Variants in NCS1 observed in about 807,000 individuals in gnomAD.
NCS1 encodes the protein frequenin homolog.
A neutral mutation model predicts 28.4 loss-of-function variants in NCS1; 6 were observed. The ratio of observed to expected loss-of-function variants is 0.21; its 90% CI spans 0.12 to 0.42. NCS1 has a LOEUF of 0.42. Ranked by LOEUF, NCS1 falls within the 10% of genes least tolerant of loss-of-function variation. NCS1 has a pLI of 1.00. For missense variants in NCS1, 131 were observed against 241.4 expected (o/e 0.54, Z 3.03); for synonymous variants, 86 against 99.3 (o/e 0.87, Z 0.79).
chr9:130,206,832 G>A (rs1419473941), intron 2 of NCS1, among the ~76,000 whole-genome samples: 1 of 151,204 alleles, frequency 6.6e-6, no homozygotes, highest in African/African-American at 2.5e-5. Context: ...GGCAGTGTAG[G>A]GTCCAGCCAT....
intron 7 of NCS1, among the ~76,000 whole-genome samples, chr9:130,231,364 C>CCT (rs1833499314): frequency 1.3e-5 from 2 of 151,390 alleles, no homozygotes; most frequent in African/African-American, 4.9e-5. Context: ...AAAAAAAAAA[C>CCT]TTTAATTTTG....
intron 1 of NCS1, among the ~76,000 whole-genome samples, chr9:130,183,149 G>C (rs1051721466): frequency 6.6e-6 from 1 of 152,240 alleles, no homozygotes; most frequent in African/African-American, 2.4e-5. Context: ...GTCGGGGAAG[G>C]GGGACAGCCA....
chr9:130,224,597 A>C (rs1833386880), intron 6 of NCS1, among the ~76,000 whole-genome samples: 2 of 151,666 alleles, frequency 1.3e-5, no homozygotes, highest in Admixed American at 1.3e-4. Flanking sequence ...TAGACACTGG[A>C]GCCTACTTGA....
chr9:130,202,243 C>A (rs929087085), intron 2 of NCS1, among the ~76,000 whole-genome samples: 78 of 152,206 alleles, frequency 5.1e-4, no homozygotes, highest in African/African-American at 1.8e-3. Flanking sequence ...CTCTGGCCAG[C>A]CTGAACTGCT....
intron 1 of NCS1, chr9:130,200,311 T>C: frequency 2.0e-6 from 1 of 502,186 alleles, no homozygotes; most frequent in Non-Finnish European, 3.5e-6. Flanking sequence ...TTTTGTTTGT[T>C]TCATGGCTCA....
intron 1 of NCS1, among the ~76,000 whole-genome samples, chr9:130,199,957 G>C (rs1000942749): frequency 6.6e-6 from 1 of 151,518 alleles, no homozygotes; most frequent in Non-Finnish European, 1.5e-5. Context: ...ACATTTGAGG[G>C]CCCTACGCCG....
chr9:130,174,789 CCA>C (rs1832538694), intron 1 of NCS1, among the ~76,000 whole-genome samples: 1 of 48,422 alleles, frequency 2.1e-5, no homozygotes. Context: ...AACTCTGTCT[CCA>C]AAAAAAAAAA....
At chr9:130,221,409 T>C (rs1166449851) in intron 4 of NCS1, among the ~76,000 whole-genome samples, 1 of 46,102 alleles carries the variant, frequency 2.2e-5, no homozygotes, top group Non-Finnish European at 3.9e-5. Context: ...TATATATATA[T>C]ATATAGAGAG....
chr9:130,197,751 T>C (rs1449630914), intron 1 of NCS1, among the ~76,000 whole-genome samples: 3 of 152,048 alleles, frequency 2.0e-5, no homozygotes, highest in African/African-American at 7.2e-5. Context: ...TCACTTGAGA[T>C]GAGGAGCTTG....
In NCS1 at chr9:130,179,995, TTATCTATCTATCTATCTATCTATC is replaced by T. The variant is rs56120429; in HGVS notation, c.64+7301_64+7324del. 7.6e-3 allele frequency among the ~76,000 whole-genome samples: 1,098 copies of T among 145,264 alleles called. 8 individuals are homozygous for T. Among genetic ancestry groups the T allele is most frequent in the Middle Eastern group, 0.017 (5 of 288 alleles). ...CAGATAGGGATGTCTTGCCTTCTTTTTATCTATCTATCTATCTATCTATCTATCTATCTATCTATCTATCTATCT... is the reference window on the plus strand; with the variant it reads ...CAGATAGGGATGTCTTGCCTTCTTTTTATCTATCTATCTATCTATCTATCT... On this transcript the variant is annotated intron_variant, in intron 1 of 7. Coordinates refer to ENST00000372398, the MANE Select transcript of NCS1 (RefSeq NM_014286.4).
At chr9:130,221,407 T>TAGAG (rs1224970441) in intron 4 of NCS1, among the ~76,000 whole-genome samples, 47 of 42,694 alleles carry the variant, frequency 1.1e-3, no homozygotes, top group African/African-American at 4.7e-3. Context: ...TATATATATA[T>TAGAG]ATATATAGAG....
intron 1 of NCS1, among the ~76,000 whole-genome samples, chr9:130,184,709 C>T (rs1009349586): frequency 2.0e-5 from 3 of 151,984 alleles, no homozygotes; most frequent in Non-Finnish European, 4.4e-5. Context: ...CTCACTGCAA[C>T]GTCTGCCTCC....
intron 1 of NCS1, among the ~76,000 whole-genome samples, chr9:130,188,809 T>C (rs1421485728): frequency 6.6e-6 from 1 of 152,156 alleles, no homozygotes; most frequent in Non-Finnish European, 1.5e-5. Flanking sequence ...TTCTGCCTCC[T>C]GGGTTCAAGC....
chr9:130,211,562 C>T (rs993922635), intron 2 of NCS1, among the ~76,000 whole-genome samples: 1 of 151,666 alleles, frequency 6.6e-6, no homozygotes, highest in Non-Finnish European at 1.5e-5. Flanking sequence ...ATCAGGTCCG[C>T]GGAGGACTTT....
chr9:130,183,152 G>T (rs528998994), intron 1 of NCS1, among the ~76,000 whole-genome samples: 1 of 152,352 alleles, frequency 6.6e-6, no homozygotes, highest in South Asian at 2.1e-4. Flanking sequence ...GGGGAAGGGG[G>T]ACAGCCAGGG....
At position 130,179,767 on chromosome 9, in the gene NCS1, A is replaced by G. The variant is rs182375663; in HGVS notation, c.64+7040A>G. Among the ~76,000 whole-genome samples, 23 of 152,328 alleles carry G rather than the reference A, an allele frequency of 1.5e-4. No homozygotes were observed. In the East Asian group the frequency reaches 3.9e-3, roughly 26 times the overall value. On this transcript the variant is annotated intron_variant, in intron 1 of 7. Coordinates refer to ENST00000372398, the MANE Select transcript of NCS1 (RefSeq NM_014286.4). ...GTCAACATTTATTTCTTTGAATACTATGAAATAGAATCCTAGTATCTTTCA... is the reference window on the plus strand; with the variant it reads ...GTCAACATTTATTTCTTTGAATACTGTGAAATAGAATCCTAGTATCTTTCA...
intron 1 of NCS1, among the ~76,000 whole-genome samples, chr9:130,185,257 CGTT>C (rs1252475325): frequency 2.6e-5 from 4 of 152,264 alleles, no homozygotes; most frequent in Non-Finnish European, 4.4e-5. Flanking sequence ...GACTGCGTCT[CGTT>C]GCGTGGCTGC....
At chr9:130,185,282 C>G (rs1832724273) in intron 1 of NCS1, among the ~76,000 whole-genome samples, 1 of 152,268 alleles carries the variant, frequency 6.6e-6, no homozygotes, top group South Asian at 2.1e-4. Context: ...GGAGTAGCCC[C>G]TGCTCCTAGA....
rs1832736500 is a variant in NCS1, at chr9:130,186,179, C to T, written c.64+13452C>T. Among the ~76,000 whole-genome samples, 1 of 152,210 alleles carries T rather than the reference C, an allele frequency of 6.6e-6. No homozygotes were observed. ...TATGGAACAGCTGCCTCGTGTTAGGCCCTGCGGATGCTGGGGCCACAGGGC... is the reference window on the plus strand; with the variant it reads ...TATGGAACAGCTGCCTCGTGTTAGGTCCTGCGGATGCTGGGGCCACAGGGC... On this transcript the variant is annotated intron_variant, in intron 1 of 7. Coordinates refer to ENST00000372398, the MANE Select transcript of NCS1 (RefSeq NM_014286.4). This position sits in a 1 kb window ranked among gnomAD's most constrained non-coding sequence, Gnocchi z 4.1.
Sources: allele counts gnomAD v4.1 joint callset (sites outside exome capture counted in the v4.1 genomes callset), GRCh38; gene constraint gnomAD v4.1.1; non-coding constraint Gnocchi (gnomAD v3.1); transcripts MANE v1.5; gene names NCBI Gene and HGNC (gene_info 2026-07-23, HGNC 2026-07-21).